The following HHAT variants were observed in gnomAD, a reference collection of about 807,000 sequenced individuals.
The protein encoded by HHAT is protein-cysteine N-palmitoyltransferase HHAT.
In HHAT, 47 loss-of-function variants were observed where a neutral mutation model predicts 70.8. The observed-to-expected ratio is 0.66, with a 90% CI of 0.53 to 0.85. HHAT has a LOEUF of 0.85. Among genes scored for constraint, HHAT ranks in the 40% least tolerant of loss-of-function variants. The probability of loss-of-function intolerance (pLI) is 0.00; values close to 1 mark genes in which losing one functional copy is unlikely to be tolerated. For synonymous variants in HHAT, 228 were observed against 247.6 expected (o/e 0.92, Z 0.74); for missense variants, 609 against 604.8 (o/e 1.01, Z -0.07).
intron 11 of HHAT, among the ~76,000 whole-genome samples, chr1:210,673,769 ATTTATTTATTTAT>A (rs1558407386): frequency 5.8e-4 from 12 of 20,606 alleles, no homozygotes; most frequent in Admixed American, 5.0e-3. Context: ...TTTATTATTT[ATTTATTTATTTAT>A]TTATTTATTT....
intron 9 of HHAT, among the ~76,000 whole-genome samples, chr1:210,574,335 G>GAATGAAGT (rs2148745427): frequency 6.6e-6 from 1 of 152,328 alleles, no homozygotes; most frequent in South Asian, 2.1e-4. Flanking sequence ...GTTTGGGCAG[G>GAATGAAGT]AATGAAGTTA....
At chr1:210,547,367 A>G (rs2095492787) in intron 9 of HHAT, among the ~76,000 whole-genome samples, 1 of 151,378 alleles carries the variant, frequency 6.6e-6, no homozygotes, top group Non-Finnish European at 1.5e-5. Context: ...TTTTTGATTC[A>G]TAATTTGGAT....
At chr1:210,463,911 G>A (rs897568692) in intron 7 of HHAT, among the ~76,000 whole-genome samples, 1 of 152,198 alleles carries the variant, frequency 6.6e-6, no homozygotes, top group Admixed American at 6.5e-5. Flanking sequence ...CATAGTAGAT[G>A]TGTATATGTA....
At chr1:210,626,718 A>G (rs1410142610) in intron 11 of HHAT, among the ~76,000 whole-genome samples, 1 of 152,166 alleles carries the variant, frequency 6.6e-6, no homozygotes, top group Non-Finnish European at 1.5e-5. Flanking sequence ...TTGATAGAAG[A>G]TTAATATGAA....
At chr1:210,387,653 A>G in intron 4 of HHAT, 72 bp downstream of exon 4, 1 of 1,150,514 alleles carries the variant, frequency 8.7e-7, no homozygotes. Context: ...AGTCCAAGCT[A>G]GGAATCGGAA....
At position 210,481,782 on chromosome 1, in the gene HHAT, A is replaced by G. The variant is rs547193870; in HGVS notation, c.1007+17127A>G. Among the ~76,000 whole-genome samples the G allele has an allele frequency of 3.2e-4, 49 of 152,370 alleles. 1 individual carries two copies. The South Asian group carries it at 9.9e-3, about 31-fold the overall frequency. On this transcript the variant is annotated intron_variant, in intron 8 of 11. Transcript: ENST00000261458. ...GAATTTGCAAATACACAATTTGTGA[A>G]TAATGAGGATTGAGTGTCAATGAAT... is the stretch of plus-strand genomic sequence containing the variant.
chr1:210,391,829 C>G (rs1028782452), intron 4 of HHAT, among the ~76,000 whole-genome samples: 1 of 151,992 alleles, frequency 6.6e-6, no homozygotes, highest in Non-Finnish European at 1.5e-5. Flanking sequence ...TATAGTAAAG[C>G]CAAAGAGGGG....
At chr1:210,627,728 A>C (rs765072293) in intron 11 of HHAT, among the ~76,000 whole-genome samples, 1 of 152,110 alleles carries the variant, frequency 6.6e-6, no homozygotes, top group Non-Finnish European at 1.5e-5. Flanking sequence ...TAAGGAATCT[A>C]TGTTTTTGCT....
chr1:210,615,659 A>G (rs1190290483), intron 10 of HHAT, among the ~76,000 whole-genome samples: 4 of 152,254 alleles, frequency 2.6e-5, no homozygotes, highest in Non-Finnish European at 4.4e-5. Context: ...TCTAACAGTC[A>G]GGACCCTCAG....
chr1:210,355,289 A>T (rs2087494984), intron 2 of HHAT, among the ~76,000 whole-genome samples: 1 of 152,216 alleles, frequency 6.6e-6, no homozygotes, highest in Non-Finnish European at 1.5e-5. Context: ...TTGCTTTGCT[A>T]GGACATCTAG....
intron 7 of HHAT, among the ~76,000 whole-genome samples, chr1:210,442,182 A>G (rs1384562111): frequency 2.1e-5 from 3 of 142,500 alleles, no homozygotes; most frequent in Non-Finnish European, 4.6e-5. Context: ...ACATGAACTC[A>G]TCATTTTTTA....
rs373351512 is a variant in HHAT, at chr1:210,492,417, C to T, written c.1008-20736C>T. Among the ~76,000 whole-genome samples the T allele has an allele frequency of 4.6e-5, 7 of 152,270 alleles. No individual in the cohort carries two copies. The South Asian group carries it at 8.3e-4, about 18-fold the overall frequency. On this transcript the variant is annotated intron_variant, in intron 8 of 11. Transcript: ENST00000261458. ...ATATCTCCTGCCTGTATATTGTGTG[C>T]TCATAAATGCTGCATGCATGAGTGG...
upstream of HHAT, among the ~76,000 whole-genome samples, chr1:210,328,622 C>A (rs1438236252): frequency 6.6e-6 from 1 of 152,218 alleles, no homozygotes; most frequent in Non-Finnish European, 1.5e-5. Context: ...GTTGGAATGA[C>A]GGCCCACCTC....
At chr1:210,620,258 C>T (rs1668568589) in intron 10 of HHAT, among the ~76,000 whole-genome samples, 2 of 152,216 alleles carry the variant, frequency 1.3e-5, no homozygotes, top group Admixed American at 1.3e-4. Context: ...TCCATATGAC[C>T]TGTTTCCTCC....
chr1:210,588,830 A>G (rs1661055825), intron 10 of HHAT: 1 of 152,238 alleles, frequency 6.6e-6, no homozygotes, highest in East Asian at 1.9e-4. Flanking sequence ...GGAATTTTAA[A>G]TCCTTGATAG....
intron 10 of HHAT, among the ~76,000 whole-genome samples, chr1:210,613,933 T>A (rs1667117136): frequency 6.6e-6 from 1 of 150,708 alleles, no homozygotes; most frequent in Admixed American, 6.7e-5. Flanking sequence ...GGTGGGAGGA[T>A]TGCTTGAGCC....
intron 11 of HHAT, among the ~76,000 whole-genome samples, chr1:210,636,478 A>G (rs1308556122): frequency 2.0e-5 from 3 of 152,240 alleles, no homozygotes; most frequent in Non-Finnish European, 4.4e-5. Context: ...CAAAGGCTGC[A>G]GCACAGTCTA....
chr1:210,623,516 T>C lies in HHAT; in HGVS notation c.1246-10T>C. On this transcript the variant is annotated splice_polypyrimidine_tract_variant and intron_variant, in intron 10 of 11. Coordinates refer to ENST00000261458, the MANE Select transcript of HHAT (RefSeq NM_018194.6). ...TGTCATGAGATGCTTTCTTGCCATT[T>C]TTCCCGTAGGCCCGATACTTCTCCC... is the stretch of plus-strand genomic sequence containing the variant. 1 of 1,613,854 alleles carries C rather than the reference T, an allele frequency of 6.2e-7. No individual in the cohort carries two copies. The highest frequency in any genetic ancestry group is 8.5e-7 in the Non-Finnish European group (1 of 1,179,910).
intron 2 of HHAT, among the ~76,000 whole-genome samples, chr1:210,359,967 T>C (rs972756889): frequency 6.6e-6 from 1 of 152,206 alleles, no homozygotes; most frequent in Non-Finnish European, 1.5e-5. Flanking sequence ...TGAATTAAAT[T>C]TCTCTATTGC....
Sources: allele counts gnomAD v4.1 joint callset (sites outside exome capture counted in the v4.1 genomes callset), GRCh38; gene constraint gnomAD v4.1.1; transcripts MANE v1.5; gene names NCBI Gene and HGNC (gene_info 2026-07-23, HGNC 2026-07-21).